Variants in FMN2 observed in about 807,000 individuals in gnomAD.
FMN2 encodes formin 2, also known as formin-2.
Under a neutral mutation model 142.3 loss-of-function variants are expected in FMN2, and 51 were observed. The observed-to-expected ratio is 0.36, with a 90% confidence interval of 0.29 to 0.45. The LOEUF is 0.45. Among genes scored for constraint, FMN2 ranks in the 20% least tolerant of loss-of-function variants. The pLI is 1.00. For synonymous variants in FMN2, 882 were observed against 869.8 expected (o/e 1.01, Z -0.25); for missense variants, 1,936 against 2,122.8 (o/e 0.91, Z 1.73).
chr1:240,323,015 CCGTGGCTGG>C (rs1281737892), intron 8 of FMN2, among the ~76,000 whole-genome samples: 1 of 152,122 alleles, frequency 6.6e-6, no homozygotes, highest in Non-Finnish European at 1.5e-5. Context: ...TCTTTATTTT[CCGTGGCTGG>C]TTCATCATTG....
intron 14 of FMN2, among the ~76,000 whole-genome samples, chr1:240,384,565 T>C (rs1334474084): frequency 2.0e-5 from 3 of 152,138 alleles, no homozygotes; most frequent in Non-Finnish European, 4.4e-5. Flanking sequence ...TCTGCTCCTT[T>C]TTCTACTTGA....
chr1:240,399,874 C>T (rs1416056784), intron 15 of FMN2, among the ~76,000 whole-genome samples: 1 of 152,184 alleles, frequency 6.6e-6, no homozygotes, highest in Non-Finnish European at 1.5e-5. Flanking sequence ...AGGAGTGTTG[C>T]TTTGGAAGAA....
At chr1:240,206,751 T>C in intron 4 of FMN2, 48 bp from the exon 5 acceptor site, 1 of 1,551,840 alleles carries the variant, frequency 6.4e-7, no homozygotes, top group Non-Finnish European at 8.7e-7. Flanking sequence ...GCTATTTGCA[T>C]TTTTCCTTAT....
chr1:240,216,792 C>A lies in FMN2; in HGVS notation c.4065+5557C>A, dbSNP rs552768408. On this transcript the variant is annotated intron_variant, in intron 6 of 17. Transcript: ENST00000319653. ...TGAAACCCTGTCTCTACTAAAAATA[C>A]AAAAAAATTAGCCGGGAGTAGTGGT... is the stretch of plus-strand genomic sequence containing the variant. Among the ~76,000 whole-genome samples, 262 of 151,964 alleles carry A rather than the reference C, an allele frequency of 1.7e-3. 1 individual carries two copies. Among genetic ancestry groups the A allele is most frequent in the African/African-American group, 6.1e-3 (253 of 41,430 alleles).
chr1:240,445,716 T>TTTC (rs57795860), intron 16 of FMN2, among the ~76,000 whole-genome samples: 11 of 150,646 alleles, frequency 7.3e-5, no homozygotes, highest in Non-Finnish European at 7.4e-5. Flanking sequence ...TTTTTTTTTT[T>TTTC]CTGGAGAGAA....
intron 7 of FMN2, among the ~76,000 whole-genome samples, chr1:240,261,117 A>G (rs577644150): frequency 6.6e-6 from 1 of 152,064 alleles, no homozygotes. Flanking sequence ...CTGTGTGTCT[A>G]TTTTTATACC....
chr1:240,274,413 G>A (rs912787955), intron 7 of FMN2, among the ~76,000 whole-genome samples: 92 of 152,134 alleles, frequency 6.0e-4, no homozygotes, highest in Non-Finnish European at 1.0e-3. Flanking sequence ...TGAAGGATCA[G>A]CACGATGTGA....
intron 7 of FMN2, among the ~76,000 whole-genome samples, chr1:240,263,071 C>A (rs991326870): frequency 1.3e-5 from 2 of 152,094 alleles, no homozygotes; most frequent in African/African-American, 4.8e-5. Flanking sequence ...AAGAACTTTT[C>A]AGATAAGCTA....
intron 15 of FMN2, among the ~76,000 whole-genome samples, chr1:240,414,677 C>A (rs998732353): frequency 6.6e-6 from 1 of 152,060 alleles, no homozygotes; most frequent in Admixed American, 6.6e-5. Flanking sequence ...TGTATGGCAA[C>A]ATGTAAATAG....
intron 15 of FMN2, among the ~76,000 whole-genome samples, chr1:240,393,670 C>G (rs77002700): frequency 6.6e-6 from 1 of 152,140 alleles, no homozygotes; most frequent in Non-Finnish European, 1.5e-5. Flanking sequence ...CAAAGCTAGA[C>G]GTCTAGTGCC....
At chr1:240,458,844 A>C (rs1326262488) in intron 16 of FMN2, 1 of 151,996 alleles carries the variant, frequency 6.6e-6, no homozygotes, top group Non-Finnish European at 1.5e-5. Flanking sequence ...TTGTTTTACT[A>C]TTTTGTTAAG....
At chr1:240,351,638 A>G (rs1013394632) in intron 13 of FMN2, among the ~76,000 whole-genome samples, 3 of 152,244 alleles carry the variant, frequency 2.0e-5, no homozygotes, top group Non-Finnish European at 4.4e-5. Context: ...TATAGCATGC[A>G]TTTTCTTATC....
At chr1:240,217,204 T>C (rs1219397536) in intron 6 of FMN2, among the ~76,000 whole-genome samples, 1 of 152,244 alleles carries the variant, frequency 6.6e-6, no homozygotes, top group Non-Finnish European at 1.5e-5. Context: ...TTATCTTTGA[T>C]CTTTGCTGCA....
chr1:240,279,865 CAT>C (rs1418028802), intron 7 of FMN2, among the ~76,000 whole-genome samples: 1 of 152,088 alleles, frequency 6.6e-6, no homozygotes, highest in Non-Finnish European at 1.5e-5. Context: ...ACCAGTGTAT[CAT>C]ATTTTTGCAT....
At chr1:240,190,542 A>G (rs1255753645) in intron 4 of FMN2, among the ~76,000 whole-genome samples, 2 of 152,310 alleles carry the variant, frequency 1.3e-5, no homozygotes, top group East Asian at 3.9e-4. Flanking sequence ...TAATCCTTTA[A>G]AGTAACTATT....
chr1:240,236,808 C>T (rs1470950593), intron 6 of FMN2, among the ~76,000 whole-genome samples: 2 of 152,208 alleles, frequency 1.3e-5, no homozygotes, highest in African/African-American at 2.4e-5. Context: ...CTAGGACTCA[C>T]CTTTAACAGT....
At chr1:240,332,465 A>G (rs985419380) in intron 11 of FMN2, among the ~76,000 whole-genome samples, 1 of 152,146 alleles carries the variant, frequency 6.6e-6, no homozygotes, top group Admixed American at 6.6e-5. Context: ...TGCAAATAAC[A>G]TTGAAATCTA....
intron 6 of FMN2, among the ~76,000 whole-genome samples, chr1:240,247,371 G>A (rs1006658891): frequency 7.2e-5 from 11 of 151,938 alleles, no homozygotes; most frequent in Non-Finnish European, 1.3e-4. Context: ...GCATGGTCCC[G>A]CATGCCTGTA....
intron 16 of FMN2, among the ~76,000 whole-genome samples, chr1:240,459,652 A>C: frequency 7.5e-6 from 1 of 132,622 alleles, no homozygotes; most frequent in East Asian, 2.5e-4. Flanking sequence ...GGGAGGTGGA[A>C]GTTGCAGTGA....
Sources: gnomAD v4.1 joint callset for allele counts (sites outside exome capture counted in the v4.1 genomes callset) on GRCh38, gnomAD v4.1.1 for gene constraint, MANE v1.5 for transcripts, NCBI Gene and HGNC (gene_info 2026-07-23, HGNC 2026-07-21) for gene names.